Variants in ELAVL2 observed in about 807,000 individuals in gnomAD.
The protein encoded by ELAVL2 is ELAV-like protein 2.
Under a neutral mutation model 34.6 loss-of-function variants are expected in ELAVL2, and 4 were observed. The observed-to-expected ratio is 0.12, with a 90% CI of 0.06 to 0.26. The LOEUF is 0.26. ELAVL2 is among the 10% of genes least tolerant of loss of function. ELAVL2 has a pLI of 1.00. For missense variants in ELAVL2, 432 were observed against 442.8 expected, an observed-to-expected ratio of 0.98 and a Z score of 0.22; for synonymous variants, 193 against 154.8, an observed-to-expected ratio of 1.25 and a Z score of -1.83.
chr9:23,766,517 C>T (rs1391763811), intron 1 of ELAVL2, among the ~76,000 whole-genome samples: 2 of 151,964 alleles, frequency 1.3e-5, no homozygotes, highest in Non-Finnish European at 2.9e-5. Flanking sequence ...GCCTCAGTCC[C>T]TTCTATTTCA....
intron 2 of ELAVL2, among the ~76,000 whole-genome samples, chr9:23,738,673 T>C (rs1480422671): frequency 6.6e-6 from 1 of 152,178 alleles, no homozygotes; most frequent in Non-Finnish European, 1.5e-5. Context: ...AGTTTCTAAA[T>C]GATTTTCAGG....
chr9:23,740,918 C>T (rs963160750), intron 2 of ELAVL2, among the ~76,000 whole-genome samples: 1 of 152,218 alleles, frequency 6.6e-6, no homozygotes, highest in African/African-American at 2.4e-5. Flanking sequence ...AAAATGCTTT[C>T]ATACGCATAG....
rs375270664 is a variant in ELAVL2 at position 23,798,645 on chromosome 9, T to G, written c.-16+27161A>C. Among the ~76,000 whole-genome samples the G allele has an allele frequency of 4.6e-5, 7 of 152,284 alleles. No individual in the cohort carries two copies. The South Asian group carries it at 1.2e-3, about 27-fold the overall frequency. On this transcript the variant is annotated intron_variant, in intron 1 of 6. Coordinates refer to ENST00000397312, the MANE Select transcript of ELAVL2 (RefSeq NM_004432.5). Reference sequence around the variant, plus strand: ...ATATAAAGTATCAGAATATGGATTCTGCCTTTGTAGGGGGTGTGTGTGGGA... The same window carrying G: ...ATATAAAGTATCAGAATATGGATTCGGCCTTTGTAGGGGGTGTGTGTGGGA...
At chr9:23,842,653 G>T in the ELAVL2 span, among the ~76,000 whole-genome samples, 1 of 151,878 alleles carries the variant, frequency 6.6e-6, no homozygotes, top group African/African-American at 2.4e-5. Flanking sequence ...ACTCCATTTT[G>T]ATTTTATAGG....
intron 1 of ELAVL2, among the ~76,000 whole-genome samples, chr9:23,773,504 G>A (rs2057672602): frequency 6.6e-6 from 1 of 152,092 alleles, no homozygotes; most frequent in Non-Finnish European, 1.5e-5. Flanking sequence ...AAAGTAGGTG[G>A]GGCAAGTACC....
chr9:23,832,866 A>T, the ELAVL2 span, among the ~76,000 whole-genome samples: 12 of 152,150 alleles, frequency 7.9e-5, no homozygotes, highest in African/African-American at 2.4e-4. Context: ...AGTGAGAAAA[A>T]TTTTAACATG....
intron 2 of ELAVL2, among the ~76,000 whole-genome samples, chr9:23,738,744 C>T (rs539065063): frequency 6.6e-6 from 1 of 152,260 alleles, no homozygotes; most frequent in South Asian, 2.1e-4. Context: ...CTGCTGAAAT[C>T]AAAGCTGCAA....
rs772244407 is a variant in ELAVL2, at chr9:23,692,467, T to C, written c.*90A>G. ...TTTTATCCCCATCTCAACACTGACT[T>C]ACAAAGACATTTACTAATGTATAAA... On this transcript the variant is annotated 3_prime_UTR_variant, in exon 7 of 7. Coordinates refer to ENST00000397312, the MANE Select transcript of ELAVL2 (RefSeq NM_004432.5). 5 of 1,358,620 alleles carry C rather than the reference T, an allele frequency of 3.7e-6. No homozygotes were observed. 84.2% of individuals were successfully genotyped at this position (1,358,620 alleles called of 1,614,324 possible). A position where few individuals can be genotyped will look rare whatever the true frequency, so the allele number is the denominator to read the frequency against.
At chr9:23,784,697 G>C (rs1177101498) in intron 1 of ELAVL2, among the ~76,000 whole-genome samples, 2 of 152,194 alleles carry the variant, frequency 1.3e-5, no homozygotes, top group Non-Finnish European at 2.9e-5. Flanking sequence ...ATGAAACCCA[G>C]AGGCTGGCTC....
At chr9:23,711,093 G>A (rs2133664645) in intron 3 of ELAVL2, among the ~76,000 whole-genome samples, 1 of 152,240 alleles carries the variant, frequency 6.6e-6, no homozygotes, top group Middle Eastern at 3.4e-3. Flanking sequence ...TTTCACAATG[G>A]GTTGAAAATG....
chr9:23,838,039 C>T, the ELAVL2 span, among the ~76,000 whole-genome samples: 2 of 152,006 alleles, frequency 1.3e-5, no homozygotes, highest in South Asian at 4.2e-4. Flanking sequence ...CCTCCATAAA[C>T]ATATAGTAAA....
In ELAVL2 at chr9:23,757,748, AC is replaced by A. The variant is rs544749778; in HGVS notation, c.229+4257del. Among the ~76,000 whole-genome samples, 93 of 152,196 alleles carry A rather than the reference AC, an allele frequency of 6.1e-4. 1 individual carries two copies. In the South Asian group the frequency reaches 0.018, roughly 30 times the overall value. On this transcript the variant is annotated intron_variant, in intron 2 of 6. Transcript: ENST00000397312. ...GCAGAAGCCCAAAGAGACGGACCTG[AC>A]AAATAACATAATAAATAGAACTTAG...
At chr9:23,813,017 G>GT (rs755738575) in intron 1 of ELAVL2, among the ~76,000 whole-genome samples, 3 of 152,094 alleles carry the variant, frequency 2.0e-5, no homozygotes, top group Non-Finnish European at 4.4e-5. Flanking sequence ...AACTAGAAAT[G>GT]TAAGTGCTTA....
intron 2 of ELAVL2, among the ~76,000 whole-genome samples, chr9:23,732,098 A>G (rs1411576836): frequency 3.3e-5 from 5 of 152,226 alleles, no homozygotes; most frequent in East Asian, 3.8e-4. Context: ...TTAGTCTACA[A>G]AAGTCAAAAC....
chr9:23,764,978 G>T (rs1205332394), intron 1 of ELAVL2: 1 of 1,601,982 alleles, frequency 6.2e-7, no homozygotes. Context: ...AAAAAAAGTA[G>T]CCTACAGAAT....
chr9:23,780,904 A>C (rs908654196), intron 1 of ELAVL2, among the ~76,000 whole-genome samples: 3 of 152,224 alleles, frequency 2.0e-5, no homozygotes, highest in African/African-American at 4.8e-5. Context: ...GAGTGGCCTC[A>C]GAGAAGCAAT....
the ELAVL2 span, among the ~76,000 whole-genome samples, chr9:23,840,211 T>C: frequency 3.9e-5 from 6 of 152,172 alleles, no homozygotes; most frequent in African/African-American, 1.4e-4. Flanking sequence ...ACTAAAGTAT[T>C]TGTCAAGTGC....
intron 2 of ELAVL2, among the ~76,000 whole-genome samples, chr9:23,759,843 T>C (rs943183171): frequency 2.9e-4 from 43 of 146,218 alleles, no homozygotes; most frequent in Non-Finnish European, 4.4e-4. Flanking sequence ...CTCATGACCA[T>C]TGTGGAATTT....
intron 4 of ELAVL2, 145 bp downstream of exon 4, chr9:23,704,773 C>T (rs375149985): frequency 9.7e-7 from 1 of 1,033,774 alleles, no homozygotes; most frequent in Non-Finnish European, 1.4e-6. Flanking sequence ...TATTTATGAA[C>T]AATTCCAGCA....
Sources: allele counts gnomAD v4.1 joint callset (sites outside exome capture counted in the v4.1 genomes callset), GRCh38; gene constraint gnomAD v4.1.1; transcripts MANE v1.5; gene names NCBI Gene and HGNC (gene_info 2026-07-23, HGNC 2026-07-21).